Variants in ZNF407 observed in about 807,000 individuals in gnomAD.
ZNF407 encodes zinc finger protein 407.
ZNF407 carries 17 observed loss-of-function variants against 131.2 expected under a neutral mutation model. That is an observed-to-expected ratio of 0.13 (90% CI 0.09 to 0.19). The LOEUF (loss-of-function observed/expected upper bound fraction) is 0.19. Among genes scored for constraint, ZNF407 ranks in the 10% least tolerant of loss-of-function variants. ZNF407 has a pLI of 1.00. For synonymous variants in ZNF407, 1,156 were observed against 1,062.0 expected, an observed-to-expected ratio of 1.09 and a Z score of -1.72; for missense variants, 2,681 against 2,830.6, an observed-to-expected ratio of 0.95 and a Z score of 1.20.
chr18:74,812,851 A>G (rs900555416), intron 4 of ZNF407, among the ~76,000 whole-genome samples: 2 of 151,924 alleles, frequency 1.3e-5, no homozygotes, highest in Non-Finnish European at 2.9e-5. Context: ...GTCCTTTGAT[A>G]TGCCTTCTTT....
chr18:74,759,968 C>G (rs1422052421), intron 3 of ZNF407, among the ~76,000 whole-genome samples: 1 of 151,094 alleles, frequency 6.6e-6, no homozygotes, highest in Non-Finnish European at 1.5e-5. Context: ...CTCTCTCTCT[C>G]TCTCTCCATA....
intron 2 of ZNF407, among the ~76,000 whole-genome samples, chr18:74,636,232 T>C (rs1984456888): frequency 6.6e-6 from 1 of 152,222 alleles, no homozygotes; most frequent in Non-Finnish European, 1.5e-5. Flanking sequence ...AAAGTTAACA[T>C]GTGCTGGGGA....
intron 3 of ZNF407, among the ~76,000 whole-genome samples, chr18:74,704,330 C>T (rs956654526): frequency 6.6e-6 from 1 of 152,128 alleles, no homozygotes; most frequent in Non-Finnish European, 1.5e-5. Context: ...CTAGGGATCT[C>T]TTTTATAGAG....
In ZNF407 at chr18:74,635,603, C is replaced by T. The variant is rs753923306; in HGVS notation, c.4584C>T (p.Asn1528=). Reference sequence around the variant, plus strand: ...TAGTGGAAGACACTGAGCAAATCAACCGCGAGAGGGAGGAAAACCAGGGAA... The same window carrying T: ...TAGTGGAAGACACTGAGCAAATCAATCGCGAGAGGGAGGAAAACCAGGGAA... The part of the protein sequence containing the change: ...KYIVEDTEQI[N]REREENQGNV... Residue 1528 remains asparagine (N), a synonymous_variant, in exon 2 of 9, where the codon AAC becomes AAT. Coordinates refer to ENST00000299687, the MANE Select transcript of ZNF407 (RefSeq NM_017757.3). The surrounding 1 kb of genome is among the most constrained non-coding windows in gnomAD (Gnocchi z 4.7). The T allele has an allele frequency of 1.9e-5, 31 of 1,613,774 alleles. 1 individual carries two copies. Among genetic ancestry groups the T allele is most frequent in the African/African-American group, 1.9e-4 (14 of 74,910 alleles).
rs1243840482 is a variant in ZNF407, at chr18:75,048,752, C to T, written c.5429-14398C>T. Among the ~76,000 whole-genome samples the T allele has an allele frequency of 6.6e-6, 1 of 152,124 alleles. No homozygotes were observed. Among genetic ancestry groups the T allele is most frequent in the Non-Finnish European group, 1.5e-5 (1 of 68,032 alleles). On this transcript the variant is annotated intron_variant, in intron 8 of 8. Transcript: ENST00000299687. The surrounding 1 kb of genome is among the most constrained non-coding windows in gnomAD (Gnocchi z 4.1). ...GTTTTAGAATGACAAGATATGAGGGCCTGCTATTTGCAAGCATATATTTGC... is the reference window on the plus strand; with the variant it reads ...GTTTTAGAATGACAAGATATGAGGGTCTGCTATTTGCAAGCATATATTTGC...
At chr18:74,855,343 A>C (rs917497100) in intron 4 of ZNF407, among the ~76,000 whole-genome samples, 11 of 152,348 alleles carry the variant, frequency 7.2e-5, no homozygotes, top group Non-Finnish European at 1.5e-4. Flanking sequence ...GATTTTCAAA[A>C]TGTGATCCAT....
intron 1 of ZNF407, among the ~76,000 whole-genome samples, chr18:74,617,674 G>T (rs1374856825): frequency 6.6e-6 from 1 of 152,116 alleles, no homozygotes; most frequent in Non-Finnish European, 1.5e-5. Context: ...AGGGGGTCAC[G>T]TCTGGAGACA....
At chr18:74,615,435 G>T (rs532580701) in intron 1 of ZNF407, among the ~76,000 whole-genome samples, 2 of 152,206 alleles carry the variant, frequency 1.3e-5, no homozygotes, top group Non-Finnish European at 2.9e-5. Flanking sequence ...AACCCGGGGG[G>T]CAGAGGTTGC....
intron 3 of ZNF407, among the ~76,000 whole-genome samples, chr18:74,777,366 A>G (rs189576192): frequency 2.6e-5 from 4 of 152,238 alleles, no homozygotes; most frequent in Admixed American, 2.0e-4. Context: ...TTTTATTTAA[A>G]GGTGTTCCTT....
chr18:74,876,371 C>G lies in ZNF407; in HGVS notation c.4878-826C>G, dbSNP rs116440436. Reference sequence around the variant, plus strand: ...TTAGTTACAGGGATTGTTTTAAACTCATATTGGAAATGTAAAGTAAATGTT... The same window carrying G: ...TTAGTTACAGGGATTGTTTTAAACTGATATTGGAAATGTAAAGTAAATGTT... On this transcript the variant is annotated intron_variant, in intron 4 of 8. Transcript: ENST00000299687. Among the ~76,000 whole-genome samples, 270 of 152,210 alleles carry G rather than the reference C, an allele frequency of 1.8e-3. 1 individual carries two copies. The highest frequency in any genetic ancestry group is 6.3e-3 in the African/African-American group (262 of 41,530).
intron 8 of ZNF407, among the ~76,000 whole-genome samples, chr18:74,980,815 G>C (rs1422628925): frequency 6.6e-6 from 1 of 152,186 alleles, no homozygotes. Context: ...GAACCCAGCA[G>C]AGGAAAGAAA....
At chr18:74,961,951 T>C (rs1002516590) in intron 8 of ZNF407, among the ~76,000 whole-genome samples, 1 of 152,012 alleles carries the variant, frequency 6.6e-6, no homozygotes, top group Non-Finnish European at 1.5e-5. Flanking sequence ...ACTTTGGCCA[T>C]GTGAAGGGTA....
chr18:74,945,706 T>C (rs1568278981), intron 8 of ZNF407, among the ~76,000 whole-genome samples: 1 of 152,222 alleles, frequency 6.6e-6, no homozygotes, highest in Admixed American at 6.5e-5. Context: ...CCTAATTCTT[T>C]ATACACATCT....
intron 1 of ZNF407, among the ~76,000 whole-genome samples, chr18:74,608,898 G>A (rs1982930250): frequency 6.6e-6 from 1 of 152,160 alleles, no homozygotes; most frequent in Non-Finnish European, 1.5e-5. Flanking sequence ...TGGTTGAGGT[G>A]ATGACGTGTC....
In ZNF407 at chr18:74,633,388, A is replaced by T; in HGVS notation, c.2369A>T (p.Asp790Val). ...IGANDKKEEF[D>V]VSGNGRIEGH... ...GCAAATGATAAAAAAGAAGAGTTTG[A>T]TGTTTCCGGAAATGGAAGGATTGAA... The change falls in exon 2 of 9, where the codon GAT becomes GTT. Residue 790 changes from aspartate to valine, a missense_variant. Physicochemically the swap from Asp to Val is radical, Grantham distance 152. This residue lies in a region of ZNF407 where 1,789 missense variants were observed against 1,748.7 expected (regional missense o/e 1.02). Transcript: ENST00000299687. 1 of 1,613,990 alleles carries T rather than the reference A, an allele frequency of 6.2e-7. No homozygotes were observed. Among genetic ancestry groups the T allele is most frequent in the Non-Finnish European group, 8.5e-7 (1 of 1,179,890 alleles).
intron 1 of ZNF407, among the ~76,000 whole-genome samples, chr18:74,619,496 A>C (rs1374484257): frequency 1.3e-5 from 2 of 152,206 alleles, no homozygotes; most frequent in Non-Finnish European, 2.9e-5. Flanking sequence ...AAAAGATGAA[A>C]GGAAAATTTA....
intron 8 of ZNF407, among the ~76,000 whole-genome samples, chr18:74,986,479 A>G (rs963103644): frequency 3.3e-5 from 5 of 152,216 alleles, no homozygotes; most frequent in Non-Finnish European, 7.3e-5. Context: ...TTTACAAATT[A>G]CTAGTGTATT....
rs80199075 is a variant in ZNF407 at position 74,855,942 on chromosome 18, G to A, written c.4878-21255G>A. Among the ~76,000 whole-genome samples, 125 of 152,282 alleles carry A rather than the reference G, an allele frequency of 8.2e-4. 1 individual carries two copies. Among genetic ancestry groups the A allele is most frequent in the Non-Finnish European group, 1.4e-3 (94 of 68,024 alleles). On this transcript the variant is annotated intron_variant, in intron 4 of 8. Transcript: ENST00000299687. ...ACTGAAAGGCGTGTAGAGAGCTGCC[G>A]TATTATCACTTTGTCAAAGGCTGTG...
intron 4 of ZNF407, 22 bp downstream of exon 4, chr18:74,781,524 T>C (rs751365712): frequency 2.0e-6 from 3 of 1,479,220 alleles, no homozygotes; most frequent in East Asian, 5.1e-5. Flanking sequence ...TCTTTTTTTT[T>C]CATTTAAAAA....
Sources: allele counts gnomAD v4.1 joint callset (sites outside exome capture counted in the v4.1 genomes callset), GRCh38; gene constraint gnomAD v4.1.1; regional missense constraint gnomAD v4.1.1; non-coding constraint Gnocchi (gnomAD v3.1); transcripts MANE v1.5; gene names NCBI Gene and HGNC (gene_info 2026-07-23, HGNC 2026-07-21).